The following STAG1 variants were observed in gnomAD, a reference collection of about 807,000 sequenced individuals.
The protein encoded by STAG1 is cohesin subunit SA-1.
STAG1 carries 26 observed loss-of-function variants against 170.9 expected under a neutral mutation model. The observed-to-expected ratio is 0.15, with a 90% CI of 0.11 to 0.21. STAG1 has a LOEUF of 0.21. Among genes scored for constraint, STAG1 ranks in the 10% least tolerant of loss-of-function variants. The pLI is 1.00. For missense variants in STAG1, 964 were observed against 1,509.5 expected (o/e 0.64, Z 5.99); for synonymous variants, 514 against 497.7 (o/e 1.03, Z -0.44).
rs536591687 is a variant in STAG1 at position 136,527,256 on chromosome 3, C to A, written c.472-5839G>T. Reference sequence around the variant, plus strand: ...AATCAGATGTAGATTTGGTCTTTCACCATAGTCCCATATTTCTTGGAGGCT... The same window carrying A: ...AATCAGATGTAGATTTGGTCTTTCAACATAGTCCCATATTTCTTGGAGGCT... On this transcript the variant is annotated intron_variant, in intron 6 of 33. Transcript: ENST00000383202. Among the ~76,000 whole-genome samples, 970 of 152,194 alleles carry A rather than the reference C, an allele frequency of 6.4e-3. 7 individuals are homozygous for A. The highest frequency in any genetic ancestry group is 9.5e-3 in the Non-Finnish European group (647 of 67,958).
chr3:136,512,368 T>G (rs1934113071), intron 7 of STAG1, among the ~76,000 whole-genome samples: 1 of 152,070 alleles, frequency 6.6e-6, no homozygotes, highest in Admixed American at 6.6e-5. Context: ...TTAGAAGTAG[T>G]AGGTTCCATA....
intron 5 of STAG1, 65 bp from the exon 6 acceptor site, chr3:136,542,260 A>C: frequency 1.8e-6 from 2 of 1,131,852 alleles, no homozygotes; most frequent in Non-Finnish European, 2.6e-6. Context: ...CCACTCTCTC[A>C]AGCATTAACA....
chr3:136,673,382 T>C (rs1288072947), intron 1 of STAG1, among the ~76,000 whole-genome samples: 2 of 152,206 alleles, frequency 1.3e-5, no homozygotes, highest in African/African-American at 4.8e-5. Flanking sequence ...GAGCCTAGGA[T>C]GAACAGTATT....
intron 1 of STAG1, among the ~76,000 whole-genome samples, chr3:136,704,460 C>T (rs934132080): frequency 1.1e-4 from 17 of 152,046 alleles, no homozygotes; most frequent in African/African-American, 4.1e-4. Flanking sequence ...ATCATGCAAA[C>T]AGTAACCAAA....
chr3:136,724,837 G>A (rs1933567353), intron 1 of STAG1, among the ~76,000 whole-genome samples: 2 of 152,180 alleles, frequency 1.3e-5, no homozygotes, highest in Admixed American at 6.5e-5. Flanking sequence ...AAAGGCAGGA[G>A]GGGATGATAC....
chr3:136,375,325 G>A (rs535390949), intron 23 of STAG1, among the ~76,000 whole-genome samples: 1 of 152,210 alleles, frequency 6.6e-6, no homozygotes, highest in Non-Finnish European at 1.5e-5. Flanking sequence ...GAAATAAATG[G>A]GTCTGATCAG....
intron 9 of STAG1, among the ~76,000 whole-genome samples, chr3:136,485,365 G>A (rs375216100): frequency 6.6e-6 from 1 of 152,082 alleles, no homozygotes; most frequent in Non-Finnish European, 1.5e-5. Context: ...GCTGAGGCAG[G>A]AGAATCGTTT....
intron 4 of STAG1, chr3:136,586,843 G>A (rs1330445390): frequency 8.8e-6 from 4 of 456,638 alleles, no homozygotes; most frequent in Non-Finnish European, 1.3e-5. Flanking sequence ...TGTAAATAGA[G>A]GGGCCAAAGG....
chr3:136,534,881 C>T (rs568233019), intron 6 of STAG1, among the ~76,000 whole-genome samples: 1 of 152,278 alleles, frequency 6.6e-6, no homozygotes, highest in Admixed American at 6.5e-5. Flanking sequence ...TATGATCCAG[C>T]AATCCCACTA....
At chr3:136,731,126 C>G (rs528556260) in intron 1 of STAG1, among the ~76,000 whole-genome samples, 166 of 152,204 alleles carry the variant, frequency 1.1e-3, no homozygotes, top group Non-Finnish European at 1.7e-3. Flanking sequence ...AACATCTACC[C>G]TTGTCTGGCT....
chr3:136,508,898 G>C (rs1028672445), intron 7 of STAG1, among the ~76,000 whole-genome samples: 68 of 152,232 alleles, frequency 4.5e-4, no homozygotes, highest in Non-Finnish European at 1.5e-5. Flanking sequence ...GAGAGAGAGA[G>C]AGAGAGAGAG....
At chr3:136,511,775 G>A (rs1934076377) in intron 7 of STAG1, among the ~76,000 whole-genome samples, 2 of 152,196 alleles carry the variant, frequency 1.3e-5, no homozygotes, top group South Asian at 2.1e-4. Flanking sequence ...TAACAAACCT[G>A]CACATGTACC....
intron 4 of STAG1, among the ~76,000 whole-genome samples, chr3:136,570,011 G>A (rs1937210416): frequency 6.6e-6 from 1 of 152,078 alleles, no homozygotes; most frequent in Non-Finnish European, 1.5e-5. Flanking sequence ...CAGAGGTAGG[G>A]ATCAGAGGAA....
intron 1 of STAG1, among the ~76,000 whole-genome samples, chr3:136,722,535 G>A (rs1206648803): frequency 6.6e-6 from 1 of 152,116 alleles, no homozygotes; most frequent in Non-Finnish European, 1.5e-5. Context: ...AACTGTATGA[G>A]GAATGAGAAA....
chr3:136,395,192 A>C (rs1304725196), intron 22 of STAG1, among the ~76,000 whole-genome samples: 4 of 152,250 alleles, frequency 2.6e-5, no homozygotes, highest in Non-Finnish European at 1.5e-5. Flanking sequence ...ATCTTTTATT[A>C]GGAGAATGTG....
At chr3:136,369,366 A>G (rs1937203403) in intron 23 of STAG1, 84 bp from the exon 24 acceptor site, 1 of 1,151,124 alleles carries the variant, frequency 8.7e-7, no homozygotes, top group African/African-American at 1.6e-5. Flanking sequence ...TGAAATTAAA[A>G]CATAGTTTAA....
At chr3:136,459,230 A>AAAAAAAAAAAAAAG (rs1553725123) in intron 13 of STAG1, among the ~76,000 whole-genome samples, 4 of 150,754 alleles carry the variant, frequency 2.7e-5, no homozygotes, top group African/African-American at 7.3e-5. Flanking sequence ...GAAAAAAAAA[A>AAAAAAAAAAAAAAG]AAAAAAGAAA....
At chr3:136,366,130 T>G (rs1178110136) in intron 25 of STAG1, among the ~76,000 whole-genome samples, 1 of 152,062 alleles carries the variant, frequency 6.6e-6, no homozygotes, top group Non-Finnish European at 1.5e-5. Context: ...GCTTTGAAGT[T>G]AGACAAGCCT....
intron 6 of STAG1, among the ~76,000 whole-genome samples, chr3:136,540,311 TTTAC>T (rs1935828525): frequency 6.6e-6 from 1 of 151,452 alleles, no homozygotes; most frequent in South Asian, 2.1e-4. Flanking sequence ...ACTGTGTTAC[TTTAC>T]TATCAAACAA....
Sources: allele counts gnomAD v4.1 joint callset (sites outside exome capture counted in the v4.1 genomes callset), GRCh38; gene constraint gnomAD v4.1.1; transcripts MANE v1.5; gene names NCBI Gene and HGNC (gene_info 2026-07-23, HGNC 2026-07-21).